The following THRAP3 variants were observed in gnomAD, a reference collection of about 807,000 sequenced individuals.
THRAP3 encodes thyroid hormone receptor associated protein 3.
In THRAP3, 16 loss-of-function variants were observed where a neutral mutation model predicts 101.0. The ratio of observed to expected loss-of-function variants is 0.16; its 90% confidence interval spans 0.11 to 0.24. The LOEUF is 0.24. Ranked by LOEUF, THRAP3 falls within the 10% of genes least tolerant of loss-of-function variation. The pLI, the probability that THRAP3 is intolerant of heterozygous loss-of-function variation, is 1.00. For synonymous variants in THRAP3, 407 were observed against 422.6 expected (o/e 0.96, Z 0.45); for missense variants, 989 against 1,202.7 (o/e 0.82, Z 2.63).
intron 1 of THRAP3, among the ~76,000 whole-genome samples, chr1:36,226,846 A>T (rs377333485): frequency 6.6e-6 from 1 of 152,214 alleles, no homozygotes; most frequent in African/African-American, 2.4e-5. Flanking sequence ...GTGTGATGAC[A>T]GATGAGGTCT....
rs916629210 is a variant in THRAP3 at position 36,270,235 on chromosome 1, G to A, written c.-32+10751G>A. Among the ~76,000 whole-genome samples the A allele has an allele frequency of 1.1e-4, 16 of 152,072 alleles. No homozygotes were observed. In the East Asian group the frequency reaches 1.2e-3, roughly 11 times the overall value. ...GAGACCTTGTCTCTACAAAAAATAC[G>A]AAAAGTTAGCCAGCTGTAGTGGCAC... On this transcript the variant is annotated intron_variant, in intron 2 of 11. Transcript: ENST00000354618.
chr1:36,208,626 G>C, the THRAP3 span, among the ~76,000 whole-genome samples: 1 of 152,106 alleles, frequency 6.6e-6, no homozygotes, highest in African/African-American at 2.4e-5. Flanking sequence ...TTTTTATTGT[G>C]TAGTTTTCTT....
At position 36,293,028 on chromosome 1, in the gene THRAP3, C is replaced by CTTTTTTTTTTTTTTTTTTTTTTTTT. The variant is rs71053920; in HGVS notation, c.2030+337_2030+338insTTTTTTTTTTTTTTTTTTTTTTTTT. On this transcript the variant is annotated intron_variant, in intron 7 of 11. Coordinates refer to ENST00000354618, the MANE Select transcript of THRAP3 (RefSeq NM_005119.4). ...AGTAAATGCTAGTTTCTTTTCTTGT[C>CTTTTTTTTTTTTTTTTTTTTTTTTT]TTTTTTTTTTTTTTTTTTGAGATGG... Among the ~76,000 whole-genome samples, 6 of 82,826 alleles carry CTTTTTTTTTTTTTTTTTTTTTTTTT rather than the reference C, an allele frequency of 7.2e-5. 2 individuals are homozygous for CTTTTTTTTTTTTTTTTTTTTTTTTT. The highest frequency in any genetic ancestry group is 1.1e-4 in the Non-Finnish European group (5 of 44,574). The allele number at this position is 82,826 out of a possible 152,430, so 54.3% of individuals were successfully genotyped here.
At chr1:36,263,991 G>T (rs912589933) in intron 2 of THRAP3, among the ~76,000 whole-genome samples, 7 of 152,252 alleles carry the variant, frequency 4.6e-5, no homozygotes. Context: ...AGCCAGGAAA[G>T]ATATAAAATG....
intron 2 of THRAP3, among the ~76,000 whole-genome samples, chr1:36,278,872 G>C (rs933807357): frequency 1.4e-4 from 21 of 151,872 alleles, no homozygotes; most frequent in Middle Eastern, 3.4e-3. Context: ...GCAGTGAGCT[G>C]AGATCATGCC....
At chr1:36,294,266 T>TC in intron 8 of THRAP3, 1 of 1,046,146 alleles carries the variant, frequency 9.6e-7, no homozygotes, top group Non-Finnish European at 1.2e-6. Flanking sequence ...ATCAACTGTA[T>TC]ACATGCACTA....
chr1:36,252,598 A>G (rs1231213258), intron 1 of THRAP3, among the ~76,000 whole-genome samples: 2 of 152,046 alleles, frequency 1.3e-5, no homozygotes, highest in Non-Finnish European at 2.9e-5. Context: ...ACTTTGCACA[A>G]AGTTTTTATT....
At chr1:36,263,253 C>A (rs184629667) in intron 2 of THRAP3, among the ~76,000 whole-genome samples, 2 of 152,038 alleles carry the variant, frequency 1.3e-5, no homozygotes, top group African/African-American at 4.8e-5. Context: ...GCACAAGCCA[C>A]CATGCCCAGT....
chr1:36,211,768 G>A, the THRAP3 span, among the ~76,000 whole-genome samples: 1 of 152,184 alleles, frequency 6.6e-6, no homozygotes, highest in Non-Finnish European at 1.5e-5. Flanking sequence ...AAGCAGAGAT[G>A]GAGGTGACGC....
At chr1:36,275,610 CTTT>C (rs1376750283) in intron 2 of THRAP3, among the ~76,000 whole-genome samples, 1 of 136,714 alleles carries the variant, frequency 7.3e-6, no homozygotes, top group African/African-American at 2.7e-5. Flanking sequence ...AAAAAGTCTT[CTTT>C]TTTTTTTTTC....
chr1:36,288,951 A>G, intron 4 of THRAP3, 109 bp from the exon 5 acceptor site: 15 of 1,382,024 alleles, frequency 1.1e-5, no homozygotes, highest in Non-Finnish European at 1.4e-5. Flanking sequence ...ACAGGAATCC[A>G]TAAGACATGT....
At position 36,288,870 on chromosome 1, in the gene THRAP3, G is replaced by A. The variant is rs570068712; in HGVS notation, c.1041-190G>A. The A allele has an allele frequency of 4.1e-6, 4 of 985,340 alleles. No individual in the cohort carries two copies. The East Asian group carries it at 4.5e-4, about 112-fold the overall frequency. The allele number at this position is 985,340 out of a possible 1,614,324, so 61.0% of individuals were successfully genotyped here. On this transcript the variant is annotated intron_variant, in intron 4 of 11. Coordinates refer to ENST00000354618, the MANE Select transcript of THRAP3 (RefSeq NM_005119.4). ...CATATATTTTTCTCTTAATTGGCAA[G>A]TTCATAGAACTGTGAATGGCAGTTT...
chr1:36,235,404 G>A (rs1645073549), intron 1 of THRAP3, among the ~76,000 whole-genome samples: 1 of 152,094 alleles, frequency 6.6e-6, no homozygotes, highest in South Asian at 2.1e-4. Context: ...ACAGCAGTTG[G>A]AAAGAACAAA....
rs369334345 is a variant in THRAP3 at position 36,305,004 on chromosome 1, CTT to C, written c.*997_*998del. ...GTGGTTCAGGGGTTTTTTTGGGTTTCTTTTTTTTTTTCTTTGTCTTTTTAACC... is the reference window on the plus strand; with the variant it reads ...GTGGTTCAGGGGTTTTTTTGGGTTTCTTTTTTTTTCTTTGTCTTTTTAACC... On this transcript the variant is annotated 3_prime_UTR_variant, in exon 12 of 12. Transcript: ENST00000354618. 0.093 allele frequency: 17,703 copies of C among 189,852 alleles called. 1,054 individuals are homozygous for C. The highest frequency in any genetic ancestry group is 0.22 in the Middle Eastern group (117 of 538). The allele number at this position is 189,852 out of a possible 1,614,324, so 11.8% of individuals were successfully genotyped here. A position where few individuals can be genotyped will look rare whatever the true frequency, so the allele number is the denominator to read the frequency against.
At chr1:36,241,103 A>T (rs1338247265) in intron 1 of THRAP3, among the ~76,000 whole-genome samples, 5 of 146,038 alleles carry the variant, frequency 3.4e-5, no homozygotes, top group Non-Finnish European at 7.5e-5. Context: ...GCTACTTGGG[A>T]GGCTGAGGCA....
chr1:36,227,944 C>T (rs773322491), intron 1 of THRAP3, among the ~76,000 whole-genome samples: 3 of 151,642 alleles, frequency 2.0e-5, no homozygotes, highest in Admixed American at 6.6e-5. Context: ...GGTGCGATCT[C>T]GGCTCACTGC....
intron 2 of THRAP3, among the ~76,000 whole-genome samples, chr1:36,267,005 C>G (rs1415078321): frequency 6.6e-6 from 1 of 151,976 alleles, no homozygotes; most frequent in African/African-American, 2.4e-5. Context: ...CTCAGCCTCC[C>G]GAGTAGGTGG....
At chr1:36,212,109 T>C in the THRAP3 span, among the ~76,000 whole-genome samples, 1 of 152,228 alleles carries the variant, frequency 6.6e-6, no homozygotes, top group Non-Finnish European at 1.5e-5. Context: ...TCTCAACTCA[T>C]GCTCTGCTCT....
chr1:36,243,896 C>G (rs1347065127), intron 1 of THRAP3, among the ~76,000 whole-genome samples: 1 of 145,274 alleles, frequency 6.9e-6, no homozygotes, highest in Non-Finnish European at 1.5e-5. Flanking sequence ...ACCTCCCTCC[C>G]AGACGGGGCG....
Sources: allele counts gnomAD v4.1 joint callset (sites outside exome capture counted in the v4.1 genomes callset), GRCh38; gene constraint gnomAD v4.1.1; transcripts MANE v1.5; gene names NCBI Gene and HGNC (gene_info 2026-07-23, HGNC 2026-07-21).